Variants in TRIM36 observed in about 807,000 individuals in gnomAD.
TRIM36 encodes the protein E3 ubiquitin-protein ligase TRIM36.
A neutral mutation model predicts 72.4 loss-of-function variants in TRIM36; 42 were observed. That is an observed-to-expected ratio of 0.58 (90% confidence interval 0.45 to 0.75). The LOEUF (loss-of-function observed/expected upper bound fraction) is 0.75, where lower values mean the gene tolerates loss of function less well. TRIM36 is among the 30% of genes least tolerant of loss of function. The pLI is 0.00. For missense variants in TRIM36, 913 were observed against 857.1 expected, an observed-to-expected ratio of 1.07 and a Z score of -0.81; for synonymous variants, 315 against 282.8, an observed-to-expected ratio of 1.11 and a Z score of -1.14.
chr5:115,140,183 A>C (rs1753201634), intron 5 of TRIM36, among the ~76,000 whole-genome samples: 1 of 152,184 alleles, frequency 6.6e-6, no homozygotes, highest in Non-Finnish European at 1.5e-5. Context: ...GTGATTTCTC[A>C]ATAATTTCAA....
chr5:115,146,307 A>AT (rs1261158115), intron 3 of TRIM36, among the ~76,000 whole-genome samples: 1 of 152,116 alleles, frequency 6.6e-6, no homozygotes, highest in Non-Finnish European at 1.5e-5. Flanking sequence ...TTTTTTCCCC[A>AT]TTTTTTATTA....
intron 1 of TRIM36, among the ~76,000 whole-genome samples, chr5:115,165,724 AG>A (rs1754731730): frequency 6.6e-6 from 1 of 151,692 alleles, no homozygotes; most frequent in Non-Finnish European, 1.5e-5. Context: ...GTGCGGAGGG[AG>A]CCCCATGCTC....
rs1240085875 is a variant in TRIM36, at chr5:115,147,321, A to G, written c.336T>C (p.Leu112=). The part of the protein sequence containing the change: ...PCPGCEHDVD[L]GERGINGLFR... The stretch of plus-strand genomic sequence containing the variant: ...ACAGACCATTGATTCCTCGTTCTCC[A>G]AGATCCACATCATGCTCACAGCCAG... Residue 112 remains leucine (L), a synonymous_variant, in exon 3 of 10, where the codon CTT becomes CTC. Coordinates refer to ENST00000513154, the MANE Select transcript of TRIM36 (RefSeq NM_001300759.2). The G allele has an allele frequency of 1.2e-6, 2 of 1,614,190 alleles. No individual in the cohort carries two copies. Among genetic ancestry groups the G allele is most frequent in the Non-Finnish European group, 1.7e-6 (2 of 1,180,032 alleles).
intron 9 of TRIM36, 39 bp downstream of exon 9, chr5:115,130,553 T>TA (rs1436280086): frequency 1.3e-6 from 2 of 1,558,268 alleles, no homozygotes. Flanking sequence ...GGCTTACTTT[T>TA]AAAAAATTAT....
upstream of TRIM36, among the ~76,000 whole-genome samples, chr5:115,170,314 C>A (rs1003944056): frequency 1.3e-5 from 2 of 152,238 alleles, no homozygotes; most frequent in African/African-American, 4.8e-5. Flanking sequence ...GCCCCTGGCC[C>A]TGCGCTGCCA....
chr5:115,144,270 A>G (rs1467237627), intron 4 of TRIM36, among the ~76,000 whole-genome samples: 1 of 152,162 alleles, frequency 6.6e-6, no homozygotes, highest in East Asian at 1.9e-4. Context: ...ACAACCCTTT[A>G]AAGTATGTCA....
intron 2 of TRIM36, among the ~76,000 whole-genome samples, chr5:115,149,821 C>T (rs541902132): frequency 8.6e-5 from 13 of 152,002 alleles, no homozygotes; most frequent in East Asian, 5.8e-4. Context: ...TGCAGTGGCG[C>T]GATCTCGGCT....
At chr5:115,133,333 A>AT (rs1289490455) in intron 8 of TRIM36, among the ~76,000 whole-genome samples, 1 of 152,168 alleles carries the variant, frequency 6.6e-6, no homozygotes, top group African/African-American at 2.4e-5. Context: ...ATGACTGGGC[A>AT]TAAGGAGCTT....
At chr5:115,150,175 A>C (rs191942357) in intron 2 of TRIM36, among the ~76,000 whole-genome samples, 2 of 152,388 alleles carry the variant, frequency 1.3e-5, no homozygotes, top group Non-Finnish European at 2.9e-5. Context: ...AAAGAAAATG[A>C]GAATCTTAGG....
At chr5:115,166,220 C>T (rs767384798) in intron 1 of TRIM36, among the ~76,000 whole-genome samples, 1 of 152,132 alleles carries the variant, frequency 6.6e-6, no homozygotes, top group Admixed American at 6.5e-5. Context: ...GGAGTGAAAA[C>T]TTACAGTGAA....
rs1753002692 is a variant in TRIM36, at chr5:115,137,090, T to C, written c.1120A>G (p.Arg374Gly). Residue 374 changes from arginine to glycine, a missense_variant, in exon 7 of 10, where the codon AGA becomes GGA. Arg to Gly is a moderately radical substitution (Grantham distance 125, BLOSUM62 -2). Coordinates refer to ENST00000513154, the MANE Select transcript of TRIM36 (RefSeq NM_001300759.2). ...QKATESLKSF[R>G]PAAQTSFEDY... is the part of the protein sequence containing the mutation. The stretch of plus-strand genomic sequence containing the variant: ...TCAAAAGAAGTCTGAGCTGCAGGTC[T>C]AAAGCTCTTCAAAGATTCTGTGGCT... 1 of 1,607,904 alleles carries C rather than the reference T, an allele frequency of 6.2e-7. No individual in the cohort carries two copies.
chr5:115,170,941 T>C (rs1252620301), upstream of TRIM36, among the ~76,000 whole-genome samples: 3 of 152,260 alleles, frequency 2.0e-5, no homozygotes, highest in African/African-American at 7.2e-5. Flanking sequence ...TTTCTGGTGT[T>C]GTTTTCAGGA....
At chr5:115,161,856 G>A (rs1259411021) in intron 2 of TRIM36, among the ~76,000 whole-genome samples, 2 of 150,094 alleles carry the variant, frequency 1.3e-5, no homozygotes, top group Non-Finnish European at 1.5e-5. Flanking sequence ...ATGAAGGAGA[G>A]TCCTATATTT....
chr5:115,130,538 T>A, intron 9 of TRIM36, 54 bp downstream of exon 9: 1 of 1,536,204 alleles, frequency 6.5e-7, no homozygotes, highest in Middle Eastern at 1.8e-4. Context: ...CCAAATCTAT[T>A]TTCAGGCTTA....
Position 115,147,119 on chromosome 5 carries a change from T to G in TRIM36, c.538A>C (p.Ile180Leu). 2.5e-6 allele frequency: 4 copies of G among 1,614,188 alleles called. No homozygotes were observed. The highest frequency in any genetic ancestry group is 3.4e-6 in the Non-Finnish European group (4 of 1,180,014). Residue 180 changes from isoleucine to leucine, a missense_variant, in exon 3 of 10, where the codon ATA (isoleucine) becomes CTA (leucine). Coordinates refer to ENST00000513154, the MANE Select transcript of TRIM36 (RefSeq NM_001300759.2). ...CCAACATACTCATGTTGAGCTTTTATAGTACCCCAAGGGTGATGAATTTTG... is the reference window on the plus strand; with the variant it reads ...CCAACATACTCATGTTGAGCTTTTAGAGTACCCCAAGGGTGATGAATTTTG... ...CFKIHHPWGT[I>L]KAQHEYVGPT... is the part of the protein sequence containing the mutation.
rs1365330494 is a variant in TRIM36, at chr5:115,144,818, G to T, written c.589-74C>A. On this transcript the variant is annotated intron_variant, in intron 3 of 9. Coordinates refer to ENST00000513154, the MANE Select transcript of TRIM36 (RefSeq NM_001300759.2). The stretch of plus-strand genomic sequence containing the variant: ...ATCTAACAAATTACCAAAATACAAA[G>T]ATTTGCCTTATAAAATCACTAAATA... 2.0e-6 allele frequency: 3 copies of T among 1,477,410 alleles called. No individual in the cohort carries two copies. The African/African-American group carries it at 4.3e-5, about 21-fold the overall frequency. 91.5% of individuals were successfully genotyped at this position (1,477,410 alleles called of 1,614,324 possible).
At chr5:115,137,308 C>A in intron 6 of TRIM36, 55 bp downstream of exon 6, 4 of 1,553,000 alleles carry the variant, frequency 2.6e-6, no homozygotes, top group Middle Eastern at 1.7e-4. Context: ...GAATACACAG[C>A]AGCATTTAAT....
In TRIM36 at chr5:115,134,135, G is replaced by A; in HGVS notation, c.1223C>T (p.Pro408Leu). 4 of 1,586,408 alleles carry A rather than the reference G, an allele frequency of 2.5e-6. No individual in the cohort carries two copies. Among genetic ancestry groups the A allele is most frequent in the East Asian group, 2.3e-5 (1 of 43,846 alleles). ...TTTGCTCTGTTCCTCATTGATCTCT[G>A]GCACGTCTATGCCTGAAAGAATTAT... ...LSFFSSGIDV[P>L]EINEEQSKVY... The change falls in exon 8 of 10, where the codon CCA (proline) becomes CTA (leucine). Residue 408 changes from proline (P) to leucine (L), a missense_variant. Physicochemically the swap from Pro to Leu is moderately conservative, Grantham distance 98 (BLOSUM62 -3). Coordinates refer to ENST00000513154, the MANE Select transcript of TRIM36 (RefSeq NM_001300759.2).
chr5:115,168,518 A>T (rs1754911068), intron 1 of TRIM36, among the ~76,000 whole-genome samples: 1 of 152,274 alleles, frequency 6.6e-6, no homozygotes, highest in Non-Finnish European at 1.5e-5. Context: ...TTTAAAATGT[A>T]TGCTAACCTA....
Sources: gnomAD v4.1 joint callset for allele counts (sites outside exome capture counted in the v4.1 genomes callset) on GRCh38, gnomAD v4.1.1 for gene constraint, MANE v1.5 for transcripts, NCBI Gene and HGNC (gene_info 2026-07-23, HGNC 2026-07-21) for gene names.